The following MMAA variants were observed in gnomAD, a reference collection of about 807,000 sequenced individuals.
MMAA encodes the protein methylmalonic aciduria type A protein, mitochondrial.
In MMAA, 41 loss-of-function variants were observed where a neutral mutation model predicts 45.0. That is an observed-to-expected ratio of 0.91 (90% CI 0.71 to 1.18). MMAA has a LOEUF of 1.18. Ranked by LOEUF, MMAA falls within the 50% of genes most tolerant of loss-of-function variation. The pLI, the probability that MMAA is intolerant of heterozygous loss-of-function variation, is 0.00. For missense variants in MMAA, 460 were observed against 495.7 expected (o/e 0.93, Z 0.68); for synonymous variants, 154 against 178.2 (o/e 0.86, Z 1.08).
chr4:145,654,784 A>G (rs2126629553), intron 6 of MMAA, among the ~76,000 whole-genome samples: 1 of 152,256 alleles, frequency 6.6e-6, no homozygotes, highest in South Asian at 2.1e-4. Context: ...TTCTCAACCT[A>G]GCTTCATTTT....
At chr4:145,620,908 G>T (rs142927192) in intron 1 of MMAA, among the ~76,000 whole-genome samples, 1 of 152,140 alleles carries the variant, frequency 6.6e-6, no homozygotes, top group Non-Finnish European at 1.5e-5. Flanking sequence ...AAAGGCAAGC[G>T]CAAGAGGTGC....
chr4:145,647,588 G>C (rs959770402), intron 4 of MMAA, among the ~76,000 whole-genome samples: 3 of 152,158 alleles, frequency 2.0e-5, no homozygotes, highest in Non-Finnish European at 4.4e-5. Context: ...CAACATCAAG[G>C]TGCCCATAGG....
At chr4:145,624,971 C>T in intron 1 of MMAA, 1 of 1,058,952 alleles carries the variant, frequency 9.4e-7, no homozygotes, top group Non-Finnish European at 1.5e-6. Flanking sequence ...GTTTCCCTGA[C>T]AGTTGGTACA....
intron 1 of MMAA, among the ~76,000 whole-genome samples, chr4:145,638,235 T>G (rs936546971): frequency 2.0e-5 from 3 of 152,038 alleles, no homozygotes; most frequent in Non-Finnish European, 4.4e-5. Flanking sequence ...CGGGCGTGGT[T>G]GCAGGTGCCT....
In MMAA at chr4:145,655,425, C is replaced by T. The variant is rs760417305; in HGVS notation, c.1248C>T (p.Ser416=). 1 of 1,610,454 alleles carries T rather than the reference C, an allele frequency of 6.2e-7. No individual in the cohort carries two copies. The highest frequency in any genetic ancestry group is 8.5e-7 in the Non-Finnish European group (1 of 1,178,758). The change falls in exon 7 of 7, where the codon AGC becomes AGT. Residue 416 remains serine, a synonymous_variant. Coordinates refer to ENST00000649156, the MANE Select transcript of MMAA (RefSeq NM_172250.3). The stretch of plus-strand genomic sequence containing the variant: ...ACTTCTTGTTAAAAGCTTTTAAAAG[C>T]AGAGACTAATAAAATTCATCCTGTA... ...AADFLLKAFK[S]RD
chr4:145,628,820 G>A (rs1039227803), intron 1 of MMAA, among the ~76,000 whole-genome samples: 14 of 152,062 alleles, frequency 9.2e-5, no homozygotes, highest in Non-Finnish European at 2.1e-4. Flanking sequence ...CAACATAAAA[G>A]CACCATAATA....
chr4:145,624,470 C>T, intron 1 of MMAA: 1 of 869,388 alleles, frequency 1.2e-6, no homozygotes. Flanking sequence ...CAGTATTAGG[C>T]CCTTTCTTAG....
intron 1 of MMAA, among the ~76,000 whole-genome samples, chr4:145,627,218 A>G (rs1012437377): frequency 6.6e-6 from 1 of 152,244 alleles, no homozygotes; most frequent in African/African-American, 2.4e-5. Flanking sequence ...ATTATTATAA[A>G]TGGACATAAT....
intron 3 of MMAA, 43 bp from the exon 4 acceptor site, chr4:145,645,943 G>A (rs377676676): frequency 3.6e-5 from 58 of 1,603,668 alleles, no homozygotes; most frequent in South Asian, 1.7e-4. Context: ...TAATTGACCC[G>A]TAAAACTGTT....
chr4:145,644,345 T>C (rs148812252), intron 3 of MMAA, among the ~76,000 whole-genome samples: 115 of 152,304 alleles, frequency 7.6e-4, no homozygotes, highest in Admixed American at 1.2e-3. Flanking sequence ...AATAAGGAAG[T>C]TGATGTATGG....
At chr4:145,646,177 C>T (rs1318093635) in intron 4 of MMAA, 21 bp downstream of exon 4, 1 of 1,613,428 alleles carries the variant, frequency 6.2e-7, no homozygotes, top group African/African-American at 1.3e-5. Context: ...TATTCTATTT[C>T]ATAACAATGT....
intron 6 of MMAA, among the ~76,000 whole-genome samples, chr4:145,654,671 T>G (rs1389563290): frequency 6.6e-6 from 1 of 152,198 alleles, no homozygotes; most frequent in Non-Finnish European, 1.5e-5. Flanking sequence ...AATCATGTTG[T>G]CTGCATTGAG....
chr4:145,647,990 G>A (rs1727978979), intron 4 of MMAA, among the ~76,000 whole-genome samples: 1 of 150,956 alleles, frequency 6.6e-6, no homozygotes, highest in Admixed American at 6.6e-5. Context: ...CCCAGTAGCT[G>A]GGACTACAGG....
chr4:145,625,473 C>G (rs1734180808), intron 1 of MMAA: 3 of 717,126 alleles, frequency 4.2e-6, no homozygotes, highest in Non-Finnish European at 7.9e-6. Flanking sequence ...GACTTCTGCT[C>G]TGGCATAGGG....
At chr4:145,625,647 A>C in intron 1 of MMAA, 1 of 1,021,480 alleles carries the variant, frequency 9.8e-7, no homozygotes, top group Non-Finnish European at 1.6e-6. Flanking sequence ...TTCATACTTA[A>C]GGGTCAAACT....
intron 1 of MMAA, chr4:145,625,820 T>G: frequency 8.6e-7 from 1 of 1,168,676 alleles, no homozygotes; most frequent in South Asian, 1.2e-5. Context: ...GGTCCACCTG[T>G]TCATTTAGTC....
At chr4:145,653,000 G>C (rs942263725) in intron 5 of MMAA, among the ~76,000 whole-genome samples, 2 of 151,966 alleles carry the variant, frequency 1.3e-5, no homozygotes, top group African/African-American at 4.8e-5. Context: ...CTCCCAGGTA[G>C]CTGGGACTAC....
chr4:145,629,629 C>A (rs1024880336), intron 1 of MMAA, among the ~76,000 whole-genome samples: 1 of 152,038 alleles, frequency 6.6e-6, no homozygotes, highest in African/African-American at 2.4e-5. Context: ...CAAAGACATA[C>A]CTGAGACTGA....
chr4:145,619,454 C>G (rs1028000905), intron 1 of MMAA, 47 bp downstream of exon 1: 2 of 152,252 alleles, frequency 1.3e-5, no homozygotes, highest in African/African-American at 4.8e-5. Flanking sequence ...GGACTGGGCT[C>G]CCGCCTACGG....
Sources: allele counts gnomAD v4.1 joint callset (sites outside exome capture counted in the v4.1 genomes callset), GRCh38; gene constraint gnomAD v4.1.1; transcripts MANE v1.5; gene names NCBI Gene and HGNC (gene_info 2026-07-23, HGNC 2026-07-21).